The following SFMBT2 variants were observed in gnomAD, a reference collection of about 807,000 sequenced individuals.
SFMBT2 encodes the protein Scm like with four mbt domains 2, also known as scm-like with four MBT domains protein 2.
In SFMBT2, 38 loss-of-function variants were observed where a neutral mutation model predicts 110.1. The observed-to-expected ratio is 0.35, with a 90% CI of 0.27 to 0.45. SFMBT2 has a LOEUF of 0.45. SFMBT2 is among the 20% of genes least tolerant of loss of function. SFMBT2 has a pLI of 1.00. For missense variants in SFMBT2, 1,011 were observed against 1,094.9 expected, an observed-to-expected ratio of 0.92 and a Z score of 1.08; for synonymous variants, 425 against 425.4, an observed-to-expected ratio of 1.00 and a Z score of 0.01.
chr10:7,246,392 CTATTTAAAGGCATAAGAAT>C (rs562798691), intron 8 of SFMBT2, among the ~76,000 whole-genome samples: 21 of 152,204 alleles, frequency 1.4e-4, no homozygotes, highest in Middle Eastern at 3.4e-3. Context: ...CATATTACAA[CTATTTAAAGGCATAAGAAT>C]TATTTAAAGG....
intron 1 of SFMBT2, among the ~76,000 whole-genome samples, chr10:7,397,782 G>A (rs1845967309): frequency 1.3e-5 from 2 of 152,240 alleles, no homozygotes; most frequent in African/African-American, 2.4e-5. Flanking sequence ...TAAGTGCCAA[G>A]CACTATTATC....
Position 7,170,204 on chromosome 10 carries a change from T to A in SFMBT2, c.2544+724A>T, listed in dbSNP as rs1837829641. ...GACAGCACAGTGCTGAGCTCTCTGGTTGTTGTGGTTGCTGTTTGTGTGTGA... is the reference window on the plus strand; with the variant it reads ...GACAGCACAGTGCTGAGCTCTCTGGATGTTGTGGTTGCTGTTTGTGTGTGA... On this transcript the variant is annotated intron_variant, in intron 20 of 20. Coordinates refer to ENST00000397167, the MANE Select transcript of SFMBT2 (RefSeq NM_001387889.1). The surrounding 1 kb of genome is among the most constrained non-coding windows in gnomAD (Gnocchi z 4.6). Among the ~76,000 whole-genome samples, 1 of 152,182 alleles carries A rather than the reference T, an allele frequency of 6.6e-6. No homozygotes were observed.
intron 2 of SFMBT2, among the ~76,000 whole-genome samples, chr10:7,379,943 G>A (rs185353769): frequency 6.6e-6 from 1 of 152,016 alleles, no homozygotes; most frequent in African/African-American, 2.4e-5. Context: ...ACTTAAGTTA[G>A]AGAGATACAC....
chr10:7,349,174 G>A (rs988577527), intron 4 of SFMBT2, among the ~76,000 whole-genome samples: 1 of 152,132 alleles, frequency 6.6e-6, no homozygotes, highest in Non-Finnish European at 1.5e-5. Context: ...GATCATAAAT[G>A]TGAAAATGAT....
In SFMBT2 at chr10:7,177,706, A is replaced by G. The variant is rs901299649; in HGVS notation, c.1809-1541T>C. On this transcript the variant is annotated intron_variant, in intron 16 of 20. Transcript: ENST00000397167. ...ATAGCGAGACCCCCATCTCTACAAA[A>G]AATTTAAAAACTATGGGCACGGTGG... Among the ~76,000 whole-genome samples the G allele has an allele frequency of 5.3e-5, 8 of 152,060 alleles. No homozygotes were observed. The East Asian group carries it at 1.5e-3, about 29-fold the overall frequency.
In SFMBT2 at chr10:7,163,380, C is replaced by T. The variant is rs2131503227; in HGVS notation, c.*390G>A. 5.7e-6 allele frequency: 1 copy of T among 175,592 alleles called. No homozygotes were observed. The highest frequency in any genetic ancestry group is 1.2e-5 in the Non-Finnish European group (1 of 83,338). The allele number at this position is 175,592 out of a possible 1,614,324, so 10.9% of individuals were successfully genotyped here. On this transcript the variant is annotated 3_prime_UTR_variant, in exon 21 of 21. Coordinates refer to ENST00000397167, the MANE Select transcript of SFMBT2 (RefSeq NM_001387889.1). The surrounding 1 kb of genome is among the most constrained non-coding windows in gnomAD (Gnocchi z 4.8). ...AATGTGCTCGTGTGATTACAGGAAA[C>T]ACTACAGCATGGCGTGAGGTTTCTT...
rs933273745 is a variant in SFMBT2, at chr10:7,213,555, C to T, written c.1330+6856G>A. Among the ~76,000 whole-genome samples the T allele has an allele frequency of 1.4e-4, 21 of 152,182 alleles. 1 individual carries two copies. The highest frequency in any genetic ancestry group is 9.2e-4 in the Admixed American group (14 of 15,274). Reference sequence around the variant, plus strand: ...GACTTGGGTGAATAACGGCATCATTCGTCAGCCAGGACGTTCACGGAGAAG... The same window carrying T: ...GACTTGGGTGAATAACGGCATCATTTGTCAGCCAGGACGTTCACGGAGAAG... On this transcript the variant is annotated intron_variant, in intron 11 of 20. Coordinates refer to ENST00000397167, the MANE Select transcript of SFMBT2 (RefSeq NM_001387889.1).
At chr10:7,193,913 C>A (rs1013602234) in intron 15 of SFMBT2, among the ~76,000 whole-genome samples, 2 of 152,096 alleles carry the variant, frequency 1.3e-5, no homozygotes, top group African/African-American at 4.8e-5. Flanking sequence ...TTTTGGGGAC[C>A]CTGGTACTCC....
chr10:7,196,858 T>C (rs1359174839), intron 15 of SFMBT2, among the ~76,000 whole-genome samples: 1 of 152,222 alleles, frequency 6.6e-6, no homozygotes, highest in Non-Finnish European at 1.5e-5. Flanking sequence ...CTCCAAGCAC[T>C]GTCTGAGGCT....
At chr10:7,232,613 T>C (rs572699357) in intron 9 of SFMBT2, among the ~76,000 whole-genome samples, 99 of 152,336 alleles carry the variant, frequency 6.5e-4, no homozygotes, top group South Asian at 2.9e-3. Context: ...ATTAGATTCA[T>C]ATAAAATATG....
intron 15 of SFMBT2, among the ~76,000 whole-genome samples, chr10:7,197,098 A>G (rs951361590): frequency 2.0e-5 from 3 of 151,860 alleles, no homozygotes; most frequent in Non-Finnish European, 4.4e-5. Context: ...AGATGGATGA[A>G]ACAAAAAGAT....
chr10:7,354,407 C>T (rs1001779283), intron 4 of SFMBT2, among the ~76,000 whole-genome samples: 4 of 152,136 alleles, frequency 2.6e-5, no homozygotes, highest in African/African-American at 7.2e-5. Context: ...CTGCATGTCA[C>T]GGCTGGCATA....
chr10:7,206,490 AGG>A lies in SFMBT2; in HGVS notation c.1331-564_1331-563del, dbSNP rs1312618750. 2.1e-4 allele frequency: 203 copies of A among 985,438 alleles called. 2 individuals carry two copies. The African/African-American group carries it at 3.2e-3, about 16-fold the overall frequency. 61.0% of individuals were successfully genotyped at this position (985,438 alleles called of 1,614,324 possible). A position where few individuals can be genotyped will look rare whatever the true frequency, so the allele number is the denominator to read the frequency against. On this transcript the variant is annotated intron_variant, in intron 11 of 20. Coordinates refer to ENST00000397167, the MANE Select transcript of SFMBT2 (RefSeq NM_001387889.1). ...GTGTACGTGGACAAGGCCCTTCTCT[AGG>A]AAACCTGACAACTTATCAGTTTGGA... is the stretch of plus-strand genomic sequence containing the variant.
At position 7,284,230 on chromosome 10, in the gene SFMBT2, T is replaced by C. The variant is rs1205903381; in HGVS notation, c.526-80A>G. ...GGAAACAGATGACAGCAGAAGATAA[T>C]ATTTTTTCACACCATCATCCAAGGT... On this transcript the variant is annotated intron_variant, in intron 5 of 20. Coordinates refer to ENST00000397167, the MANE Select transcript of SFMBT2 (RefSeq NM_001387889.1). The C allele has an allele frequency of 1.9e-6, 3 of 1,548,966 alleles. No homozygotes were observed. In the Admixed American group the frequency reaches 6.0e-5, roughly 31 times the overall value.
intron 4 of SFMBT2, among the ~76,000 whole-genome samples, chr10:7,357,950 G>C (rs1458438117): frequency 6.6e-6 from 1 of 151,934 alleles, no homozygotes; most frequent in African/African-American, 2.4e-5. Flanking sequence ...TGGGACATCA[G>C]CATGGCCCCG....
In SFMBT2 at chr10:7,163,254, T is replaced by G. The variant is rs1397687131; in HGVS notation, c.*516A>C. Reference sequence around the variant, plus strand: ...GCTTTAGCACATGTTTTTATAAGGATGTCGCTGCCAGCTGCATTGCAAAGG... The same window carrying G: ...GCTTTAGCACATGTTTTTATAAGGAGGTCGCTGCCAGCTGCATTGCAAAGG... On this transcript the variant is annotated 3_prime_UTR_variant, in exon 21 of 21. Transcript: ENST00000397167. The surrounding 1 kb of genome is among the most constrained non-coding windows in gnomAD (Gnocchi z 4.8). 6.4e-6 allele frequency: 1 copy of G among 155,704 alleles called. No individual in the cohort carries two copies. Among genetic ancestry groups the G allele is most frequent in the African/African-American group, 2.4e-5 (1 of 41,456 alleles). 9.6% of individuals were successfully genotyped at this position (155,704 alleles called of 1,614,324 possible). A position where few individuals can be genotyped will look rare whatever the true frequency, so the allele number is the denominator to read the frequency against.
chr10:7,260,377 G>A (rs1206656559), intron 7 of SFMBT2, among the ~76,000 whole-genome samples: 2 of 152,180 alleles, frequency 1.3e-5, no homozygotes, highest in Non-Finnish European at 2.9e-5. Context: ...CATGAGCAAT[G>A]TCAGAAATGG....
At chr10:7,302,166 G>C (rs564562617) in intron 4 of SFMBT2, among the ~76,000 whole-genome samples, 3 of 152,028 alleles carry the variant, frequency 2.0e-5, no homozygotes, top group East Asian at 3.9e-4. Context: ...CTAAATCTTC[G>C]TGCCTGTGTC....
At chr10:7,249,908 T>C (rs1437711848) in intron 7 of SFMBT2, among the ~76,000 whole-genome samples, 2 of 152,218 alleles carry the variant, frequency 1.3e-5, no homozygotes, top group Non-Finnish European at 2.9e-5. Flanking sequence ...GCTGGGGCCA[T>C]GTCCAAAGAG....
Sources: allele counts gnomAD v4.1 joint callset (sites outside exome capture counted in the v4.1 genomes callset), GRCh38; gene constraint gnomAD v4.1.1; non-coding constraint Gnocchi (gnomAD v3.1); transcripts MANE v1.5; gene names NCBI Gene and HGNC (gene_info 2026-07-23, HGNC 2026-07-21).